KIF5C: variants seen among roughly 807,000 people sequenced by gnomAD.
KIF5C encodes the protein kinesin heavy chain isoform 5C.
Under a neutral mutation model 125.2 loss-of-function variants are expected in KIF5C, and 18 were observed. The observed-to-expected ratio is 0.14, with a 90% confidence interval of 0.10 to 0.21. KIF5C has a LOEUF of 0.21. Among genes scored for constraint, KIF5C ranks in the 10% least tolerant of loss-of-function variants. The pLI is 1.00. For synonymous variants in KIF5C, 405 were observed against 434.0 expected, an observed-to-expected ratio of 0.93 and a Z score of 0.83; for missense variants, 780 against 1,183.8, an observed-to-expected ratio of 0.66 and a Z score of 5.01.
chr2:148,913,083 C>T (rs1382586887), intron 1 of KIF5C, among the ~76,000 whole-genome samples: 2 of 152,198 alleles, frequency 1.3e-5, no homozygotes, highest in Non-Finnish European at 2.9e-5. Context: ...ATTTGTGGAA[C>T]ATTTTCCTTG....
At chr2:148,967,765 A>G (rs1417378319) in intron 11 of KIF5C, among the ~76,000 whole-genome samples, 3 of 152,208 alleles carry the variant, frequency 2.0e-5, no homozygotes, top group Non-Finnish European at 2.9e-5. Flanking sequence ...AGGAACAGAT[A>G]GGATGGAGTG....
Position 148,978,935 on chromosome 2 carries a change from A to G in KIF5C, c.1307A>G (p.Asn436Ser). The change falls in exon 13 of 26, where the codon AAC becomes AGC. Residue 436 changes from asparagine (N) to serine (S), a missense_variant. This residue lies in a region of KIF5C where 573 missense variants were observed against 742.6 expected (regional missense o/e 0.77). Transcript: ENST00000435030. ...RQLDDKDDEI[N>S]QQSQLAEKLK... is the part of the protein sequence containing the mutation. ...GTTTCGTTTCAGGATGATGAAATTA[A>G]CCAGCAGAGCCAGCTGGCTGAAAAG... 1 of 1,599,948 alleles carries G rather than the reference A, an allele frequency of 6.3e-7. No individual in the cohort carries two copies. The highest frequency in any genetic ancestry group is 8.5e-7 in the Non-Finnish European group (1 of 1,173,300).
At chr2:148,997,443 G>A in intron 18 of KIF5C, 103 bp downstream of exon 18, 2 of 1,569,528 alleles carry the variant, frequency 1.3e-6, no homozygotes, top group South Asian at 1.2e-5. Flanking sequence ...TCCGTATATG[G>A]CAAGGGACAG....
chr2:148,911,834 G>T (rs1681349808), intron 1 of KIF5C, among the ~76,000 whole-genome samples: 1 of 152,084 alleles, frequency 6.6e-6, no homozygotes, highest in Non-Finnish European at 1.5e-5. Context: ...GGCAAAAGCT[G>T]CTTTGGATAG....
At chr2:148,879,701 G>C (rs564494359) in intron 1 of KIF5C, 1 of 152,294 alleles carries the variant, frequency 6.6e-6, no homozygotes, top group South Asian at 2.1e-4. Context: ...TCTGCCTATT[G>C]GTTTTGAAGC....
At chr2:148,884,558 G>A (rs1332889078) in intron 1 of KIF5C, among the ~76,000 whole-genome samples, 1 of 152,036 alleles carries the variant, frequency 6.6e-6, no homozygotes. Flanking sequence ...CTTATTTTTT[G>A]TATACTCTCC....
At chr2:148,957,326 ATT>A (rs145302047) in intron 10 of KIF5C, among the ~76,000 whole-genome samples, 5 of 151,606 alleles carry the variant, frequency 3.3e-5, no homozygotes, top group Non-Finnish European at 7.4e-5. Flanking sequence ...GAGGAAACTG[ATT>A]TTTTTTTCTT....
At chr2:148,945,058 T>C (rs1247610751) in intron 7 of KIF5C, among the ~76,000 whole-genome samples, 2 of 152,164 alleles carry the variant, frequency 1.3e-5, no homozygotes, top group East Asian at 3.9e-4. Flanking sequence ...TTATTAGATA[T>C]ATGATTTATA....
intron 21 of KIF5C, among the ~76,000 whole-genome samples, chr2:149,003,985 T>A (rs1203952955): frequency 6.6e-6 from 1 of 152,250 alleles, no homozygotes; most frequent in Non-Finnish European, 1.5e-5. Flanking sequence ...GTATCTGGGC[T>A]GAGCTCCCTC....
intron 1 of KIF5C, among the ~76,000 whole-genome samples, chr2:148,900,454 T>A (rs998219484): frequency 2.0e-5 from 3 of 152,240 alleles, no homozygotes; most frequent in Non-Finnish European, 4.4e-5. Context: ...CCTCATTTTT[T>A]CCTTCCATGA....
At chr2:148,902,473 C>T (rs551388517) in intron 1 of KIF5C, among the ~76,000 whole-genome samples, 7 of 152,190 alleles carry the variant, frequency 4.6e-5, no homozygotes, top group African/African-American at 9.7e-5. Flanking sequence ...CACGCCACCA[C>T]GCCCAGATAA....
At chr2:148,893,350 A>G (rs1245610665) in intron 1 of KIF5C, among the ~76,000 whole-genome samples, 1 of 152,184 alleles carries the variant, frequency 6.6e-6, no homozygotes, top group Non-Finnish European at 1.5e-5. Context: ...AATAAGTTTG[A>G]ACTCCCCAAC....
chr2:149,021,303 T>C (rs1682527421), intron 25 of KIF5C, among the ~76,000 whole-genome samples: 1 of 152,210 alleles, frequency 6.6e-6, no homozygotes. Context: ...CCTCGAGTGA[T>C]CCACCCGCGT....
rs752652364 is a variant in KIF5C, at chr2:149,010,251, C to T, written c.2667C>T (p.Asn889=). The T allele has an allele frequency of 8.8e-6, 14 of 1,588,494 alleles. No individual in the cohort carries two copies. The Admixed American group carries it at 8.9e-5, about 10-fold the overall frequency. Residue 889 remains asparagine (N), a synonymous_variant, in exon 24 of 26, where the codon AAC becomes AAT. Transcript: ENST00000435030. The stretch of plus-strand genomic sequence containing the variant: ...GCGCGCTGAAGGAGGCCAAGGAGAA[C>T]GCCATGCGGGACCGTAAGCGCTACC... ...LESALKEAKE[N]AMRDRKRYQQ... is the part of the protein sequence containing the mutation.
intron 1 of KIF5C, among the ~76,000 whole-genome samples, chr2:148,911,230 G>A (rs565664356): frequency 1.5e-4 from 23 of 152,278 alleles, no homozygotes; most frequent in African/African-American, 5.1e-4. Flanking sequence ...AAGAGAAGAG[G>A]CCCAGTGAGA....
chr2:148,981,052 A>AT (rs1256960921), intron 13 of KIF5C, among the ~76,000 whole-genome samples: 7 of 152,186 alleles, frequency 4.6e-5, no homozygotes, highest in Non-Finnish European at 7.4e-5. Flanking sequence ...AAATGCAGTG[A>AT]TTTTTTGATG....
chr2:148,875,594 G>T lies in KIF5C; in HGVS notation c.-24G>T, dbSNP rs1327875594. The T allele has an allele frequency of 1.1e-5, 6 of 550,702 alleles. No homozygotes were observed. The highest frequency in any genetic ancestry group is 5.0e-5 in the Admixed American group (2 of 39,874). 34.1% of individuals were successfully genotyped at this position (550,702 alleles called of 1,614,324 possible). ...GCCCCGGCCCCCCACCCATCCCCGT[G>T]CCCCCTCCCTACCGCCGGCCGAGAT... is the stretch of plus-strand genomic sequence containing the variant. On this transcript the variant is annotated 5_prime_UTR_variant, in exon 1 of 26. Coordinates refer to ENST00000435030, the MANE Select transcript of KIF5C (RefSeq NM_004522.3).
chr2:148,895,779 A>G (rs1294243208), intron 1 of KIF5C, among the ~76,000 whole-genome samples: 1 of 151,874 alleles, frequency 6.6e-6, no homozygotes, highest in African/African-American at 2.4e-5. Context: ...GGTGAGGGCT[A>G]TCTTCCTGGC....
intron 1 of KIF5C, among the ~76,000 whole-genome samples, chr2:148,906,396 T>C (rs567871697): frequency 9.9e-5 from 15 of 152,154 alleles, no homozygotes; most frequent in Middle Eastern, 3.4e-3. Context: ...ACTGATGTGC[T>C]TTACTGGAGG....
Sources: gnomAD v4.1 joint callset for allele counts (sites outside exome capture counted in the v4.1 genomes callset) on GRCh38, gnomAD v4.1.1 for gene constraint, gnomAD v4.1.1 regional missense constraint, MANE v1.5 for transcripts, NCBI Gene and HGNC (gene_info 2026-07-23, HGNC 2026-07-21) for gene names.